CRADD: variants seen among roughly 807,000 people sequenced by gnomAD.
CRADD encodes CARD and death domain containing adaptor protein.
A neutral mutation model predicts 15.5 loss-of-function variants in CRADD; 9 were observed. The observed-to-expected ratio is 0.58, with a 90% CI of 0.35 to 1.01. The LOEUF (loss-of-function observed/expected upper bound fraction) is 1.01, where lower values mean the gene tolerates loss of function less well. Ranked by LOEUF, CRADD falls within the 50% of genes least tolerant of loss-of-function variation. The probability of loss-of-function intolerance (pLI) is 0.02; values close to 1 mark genes in which losing one functional copy is unlikely to be tolerated. For synonymous variants in CRADD, 118 were observed against 107.6 expected, an observed-to-expected ratio of 1.10 and a Z score of -0.60; for missense variants, 227 against 250.3, an observed-to-expected ratio of 0.91 and a Z score of 0.63.
At chr12:93,728,033 CT>C (rs1956400363) in intron 2 of CRADD, among the ~76,000 whole-genome samples, 1 of 152,184 alleles carries the variant, frequency 6.6e-6, no homozygotes, top group Non-Finnish European at 1.5e-5. Flanking sequence ...TATCTGCCCC[CT>C]GGACTGTGAA....
chr12:93,801,601 G>T (rs1957477247), intron 2 of CRADD, among the ~76,000 whole-genome samples: 2 of 152,170 alleles, frequency 1.3e-5, no homozygotes, highest in African/African-American at 4.8e-5. Context: ...GTTTCACTAT[G>T]TTGGCCAGGC....
intron 2 of CRADD, among the ~76,000 whole-genome samples, chr12:93,695,303 TAAACTC>T (rs1356683169): frequency 5.3e-5 from 8 of 152,152 alleles, no homozygotes; most frequent in African/African-American, 1.9e-4. Context: ...TGTATAAAAA[TAAACTC>T]AAAATGGATT....
intron 2 of CRADD, among the ~76,000 whole-genome samples, chr12:93,847,338 T>G (rs1480116917): frequency 2.0e-5 from 3 of 150,456 alleles, no homozygotes; most frequent in Non-Finnish European, 4.4e-5. Flanking sequence ...TAATTTAAAA[T>G]TATGAATATA....
chr12:93,678,587 A>G (rs1823685536), intron 1 of CRADD, among the ~76,000 whole-genome samples, 182 bp from the exon 2 acceptor site: 1 of 152,146 alleles, frequency 6.6e-6, no homozygotes, highest in African/African-American at 2.4e-5. Context: ...GTTGTTCATT[A>G]TGTTAGGAAA....
intron 2 of CRADD, among the ~76,000 whole-genome samples, chr12:93,717,235 G>C (rs1231210145): frequency 2.0e-5 from 3 of 152,082 alleles, no homozygotes; most frequent in African/African-American, 7.2e-5. Flanking sequence ...TCATTTTCTT[G>C]TTGAATTTTA....
intron 2 of CRADD, among the ~76,000 whole-genome samples, chr12:93,887,506 C>T (rs1402176129): frequency 1.3e-5 from 2 of 152,226 alleles, no homozygotes; most frequent in East Asian, 3.8e-4. Context: ...CTGTGTTTCA[C>T]AACTTCTACA....
At chr12:93,884,416 A>G (rs1958522103) in intron 2 of CRADD, among the ~76,000 whole-genome samples, 1 of 152,166 alleles carries the variant, frequency 6.6e-6, no homozygotes, top group South Asian at 2.1e-4. Flanking sequence ...CCCTGCCTTC[A>G]AGCCTAAAAC....
At chr12:93,820,261 T>G (rs944198811) in intron 2 of CRADD, among the ~76,000 whole-genome samples, 1 of 152,208 alleles carries the variant, frequency 6.6e-6, no homozygotes, top group Non-Finnish European at 1.5e-5. Flanking sequence ...CCATCTTGGT[T>G]TACCCCTGCC....
intron 2 of CRADD, among the ~76,000 whole-genome samples, chr12:93,698,482 G>A (rs371425692): frequency 7.9e-5 from 12 of 152,082 alleles, no homozygotes; most frequent in African/African-American, 2.7e-4. Flanking sequence ...AGATAGCACC[G>A]GACTTAAAAG....
chr12:93,852,909 A>C (rs1036214396), downstream of CRADD, among the ~76,000 whole-genome samples: 2 of 151,784 alleles, frequency 1.3e-5, no homozygotes, highest in Admixed American at 1.3e-4. Context: ...TTAAAACTAT[A>C]ACTTTTATTA....
At chr12:93,691,559 A>G (rs187215743) in intron 2 of CRADD, among the ~76,000 whole-genome samples, 111 of 152,232 alleles carry the variant, frequency 7.3e-4, no homozygotes, top group Non-Finnish European at 1.4e-3. Context: ...TGGCCAATAT[A>G]AAGAATTTTT....
At chr12:93,686,322 A>AAAAAAAAAAG in intron 2 of CRADD, among the ~76,000 whole-genome samples, 1 of 151,070 alleles carries the variant, frequency 6.6e-6, no homozygotes. Context: ...AAAAAAAAAA[A>AAAAAAAAAAG]AAAGAAAAGA....
At chr12:93,810,905 A>G (rs1957618691) in intron 2 of CRADD, among the ~76,000 whole-genome samples, 1 of 152,248 alleles carries the variant, frequency 6.6e-6, no homozygotes, top group Non-Finnish European at 1.5e-5. Context: ...ACACCTGGAA[A>G]ATGCAATGCA....
chr12:93,729,245 TGGCAC>T (rs1045821752), intron 2 of CRADD, among the ~76,000 whole-genome samples: 1 of 152,182 alleles, frequency 6.6e-6, no homozygotes, highest in African/African-American at 2.4e-5. Flanking sequence ...AATGCCAGGG[TGGCAC>T]ATCAAGTCAG....
rs886481927 is a variant in CRADD at position 93,832,713 on chromosome 12, A to G, written c.299-17257A>G. Among the ~76,000 whole-genome samples the G allele has an allele frequency of 7.2e-5, 11 of 152,338 alleles. No homozygotes were observed. The East Asian group carries it at 1.5e-3, about 21-fold the overall frequency. On this transcript the variant is annotated intron_variant, in intron 2 of 2. Transcript: ENST00000332896. ...ACAATTTTGAAAATTTTGGAGAACA[A>G]TCATCAGTAGGAAATAATTACGTGA... is the stretch of plus-strand genomic sequence containing the variant.
intron 2 of CRADD, among the ~76,000 whole-genome samples, chr12:93,845,686 T>C (rs960295839): frequency 1.3e-5 from 2 of 152,128 alleles, no homozygotes; most frequent in African/African-American, 4.8e-5. Context: ...AAGTATTTTA[T>C]GCTATAGAAA....
At chr12:93,860,546 G>A (rs565780299) in intron 2 of CRADD, among the ~76,000 whole-genome samples, 1 of 152,184 alleles carries the variant, frequency 6.6e-6, no homozygotes, top group East Asian at 1.9e-4. Flanking sequence ...AGGCAAAGGA[G>A]TAGTACTGTT....
intron 2 of CRADD, among the ~76,000 whole-genome samples, chr12:93,872,587 G>A (rs1275406971): frequency 6.6e-6 from 1 of 152,118 alleles, no homozygotes. Flanking sequence ...TTTGTATCTG[G>A]TGAGAGATAG....
At chr12:93,853,266 A>C (rs917301819), downstream of CRADD, among the ~76,000 whole-genome samples, 3 of 152,188 alleles carry the variant, frequency 2.0e-5, no homozygotes, top group African/African-American at 7.2e-5. Flanking sequence ...CATGGCTTAA[A>C]ATTAACTAAA....
Sources: allele counts gnomAD v4.1 joint callset (sites outside exome capture counted in the v4.1 genomes callset), GRCh38; gene constraint gnomAD v4.1.1; transcripts MANE v1.5; gene names NCBI Gene and HGNC (gene_info 2026-07-23, HGNC 2026-07-21).